Variants in WNT7B observed in about 807,000 individuals in gnomAD.
WNT7B encodes the protein protein Wnt-7b.
WNT7B carries 19 observed loss-of-function variants against 38.2 expected under a neutral mutation model. That is an observed-to-expected ratio of 0.50 (90% CI 0.35 to 0.73). The LOEUF (loss-of-function observed/expected upper bound fraction) is 0.73. Among genes scored for constraint, WNT7B ranks in the 30% least tolerant of loss-of-function variants. The probability of loss-of-function intolerance (pLI) is 0.01; values close to 1 mark genes in which losing one functional copy is unlikely to be tolerated. For missense variants in WNT7B, 423 were observed against 507.9 expected, an observed-to-expected ratio of 0.83 and a Z score of 1.61; for synonymous variants, 243 against 209.3, an observed-to-expected ratio of 1.16 and a Z score of -1.39.
intron 1 of WNT7B, among the ~76,000 whole-genome samples, chr22:45,970,893 T>C (rs1228818042): frequency 6.6e-6 from 1 of 152,230 alleles, no homozygotes; most frequent in Non-Finnish European, 1.5e-5. Context: ...CCTCAGGCGA[T>C]GCCTCCGCAG....
At chr22:45,974,831 G>A (rs1451083754) in intron 1 of WNT7B, among the ~76,000 whole-genome samples, 1 of 152,148 alleles carries the variant, frequency 6.6e-6, no homozygotes, top group Non-Finnish European at 1.5e-5. Flanking sequence ...TGTTCAGGAT[G>A]GCCAGAGCTG....
intron 2 of WNT7B, among the ~76,000 whole-genome samples, chr22:45,935,306 C>T (rs1194474048): frequency 6.6e-6 from 1 of 152,212 alleles, no homozygotes; most frequent in Admixed American, 6.5e-5. Flanking sequence ...AGTGCCTTGG[C>T]CTGGCCCCCA....
intron 1 of WNT7B, among the ~76,000 whole-genome samples, chr22:45,974,350 C>G (rs923867847): frequency 6.6e-6 from 1 of 152,222 alleles, no homozygotes; most frequent in Non-Finnish European, 1.5e-5. Flanking sequence ...GCTTCCAGGT[C>G]ATTTAACCCC....
At chr22:45,962,416 C>G (rs1266380803) in intron 1 of WNT7B, among the ~76,000 whole-genome samples, 1 of 152,236 alleles carries the variant, frequency 6.6e-6, no homozygotes, top group Non-Finnish European at 1.5e-5. Context: ...CACCAGGATG[C>G]ACCAGGTGCT....
chr22:45,924,065 C>T (rs1207518196), intron 3 of WNT7B, among the ~76,000 whole-genome samples: 2 of 152,212 alleles, frequency 1.3e-5, no homozygotes, highest in African/African-American at 4.8e-5. Flanking sequence ...AGCCCTGACC[C>T]CAGGTACTCA....
At chr22:45,959,205 G>A (rs895026238) in intron 1 of WNT7B, among the ~76,000 whole-genome samples, 4 of 152,216 alleles carry the variant, frequency 2.6e-5, no homozygotes, top group Non-Finnish European at 5.9e-5. Context: ...GGGGCATCTG[G>A]GACACCCTCA....
In WNT7B at chr22:45,975,556, C is replaced by A. The variant is rs1047939093; in HGVS notation, c.71+1128G>T. The A allele has an allele frequency of 5.6e-6, 4 of 716,864 alleles. No homozygotes were observed. Among genetic ancestry groups the A allele is most frequent in the African/African-American group, 1.7e-5 (1 of 57,256 alleles). 44.4% of individuals were successfully genotyped at this position (716,864 alleles called of 1,614,324 possible). ...CTCAGTTTCTCCACCTGTAAAATGG[C>A]GGGGCAGACATGGGATGGAGGGTGA... On this transcript the variant is annotated intron_variant, in intron 1 of 3. Coordinates refer to ENST00000339464, the MANE Select transcript of WNT7B (RefSeq NM_058238.3). This position sits in a 1 kb window ranked among gnomAD's most constrained non-coding sequence, Gnocchi z 6.6.
chr22:45,923,080 T>C lies in WNT7B; in HGVS notation c.826A>G (p.Asn276Asp). The change falls in exon 4 of 4, where the codon AAC (asparagine) becomes GAC (aspartate). Residue 276 changes from asparagine to aspartate, a missense_variant. Transcript: ENST00000339464. ...GTGGCCGCGTCCTCCTCGCAGTAGT[T>C]GGGCGACTTCTCAATGTACACCAGG... ...TDLVYIEKSP[N>D]YCEEDAATGS... 6.2e-7 allele frequency: 1 copy of C among 1,613,530 alleles called. No individual in the cohort carries two copies.
At chr22:45,964,063 C>A (rs866853404) in intron 1 of WNT7B, among the ~76,000 whole-genome samples, 10 of 152,226 alleles carry the variant, frequency 6.6e-5, no homozygotes, top group Middle Eastern at 3.4e-3. Flanking sequence ...AGTGCCCCTC[C>A]CCAGGTGCAG....
intron 3 of WNT7B, chr22:45,927,135 CTCTG>C (rs1385310507): frequency 2.0e-6 from 2 of 985,340 alleles, no homozygotes; most frequent in Non-Finnish European, 2.4e-6. Flanking sequence ...GGGGCATGGC[CTCTG>C]TCTGCCCTGC....
intron 1 of WNT7B, among the ~76,000 whole-genome samples, chr22:45,950,799 C>T (rs1391859842): frequency 2.6e-5 from 4 of 152,238 alleles, no homozygotes; most frequent in Admixed American, 2.0e-4. Context: ...GGAGAAAGCC[C>T]GCACCGGGAA....
At chr22:45,938,637 T>C (rs1268469514) in intron 2 of WNT7B, among the ~76,000 whole-genome samples, 4 of 151,046 alleles carry the variant, frequency 2.6e-5, no homozygotes, top group Non-Finnish European at 5.9e-5. Context: ...GAATCTGTCT[T>C]GAAAAAAAAA....
intron 1 of WNT7B, among the ~76,000 whole-genome samples, chr22:45,963,810 C>T (rs886566257): frequency 3.9e-5 from 6 of 152,164 alleles, no homozygotes; most frequent in African/African-American, 1.4e-4. Context: ...GGACCAGCCC[C>T]AGCCACCCTC....
intron 1 of WNT7B, among the ~76,000 whole-genome samples, chr22:45,971,437 G>T (rs772846718): frequency 6.6e-6 from 1 of 152,228 alleles, no homozygotes; most frequent in Non-Finnish European, 1.5e-5. Flanking sequence ...GGCTGGACTC[G>T]GCCCTGCCCG....
intron 2 of WNT7B, among the ~76,000 whole-genome samples, chr22:45,943,069 A>G (rs146091563): frequency 0.012 from 1,816 of 150,316 alleles, 15 homozygotes; most frequent in Middle Eastern, 0.028. Context: ...TGCAGTGTGC[A>G]CATGTGTGCA....
intron 1 of WNT7B, among the ~76,000 whole-genome samples, chr22:45,967,353 C>A (rs1280426453): frequency 1.3e-5 from 2 of 152,198 alleles, no homozygotes; most frequent in East Asian, 1.9e-4. Flanking sequence ...AGGGCGGCAG[C>A]CTTAGGAGCC....
intron 2 of WNT7B, among the ~76,000 whole-genome samples, chr22:45,947,709 T>C (rs527687682): frequency 2.6e-5 from 4 of 152,128 alleles, no homozygotes; most frequent in African/African-American, 7.2e-5. Flanking sequence ...ACCAGGAAGG[T>C]CACAAGCGGC....
intron 3 of WNT7B, chr22:45,926,262 C>CAGGT: frequency 1.0e-6 from 1 of 985,406 alleles, no homozygotes; most frequent in Non-Finnish European, 1.2e-6. Flanking sequence ...GCACTGAGAC[C>CAGGT]GGCCCCCTGC....
intron 1 of WNT7B, among the ~76,000 whole-genome samples, chr22:45,974,642 G>T (rs1932515736): frequency 6.6e-6 from 1 of 152,126 alleles, no homozygotes; most frequent in South Asian, 2.1e-4. Context: ...CCCTCCAGGG[G>T]CCCTGGGTGG....
Sources: gnomAD v4.1 joint callset for allele counts (sites outside exome capture counted in the v4.1 genomes callset) on GRCh38, gnomAD v4.1.1 for gene constraint, Gnocchi (gnomAD v3.1) non-coding constraint, MANE v1.5 for transcripts, NCBI Gene and HGNC (gene_info 2026-07-23, HGNC 2026-07-21) for gene names.